Variants in PRSS23 observed in about 807,000 individuals in gnomAD.
PRSS23 encodes the protein serine protease 23.
PRSS23 carries 25 observed loss-of-function variants against 34.7 expected under a neutral mutation model. That is an observed-to-expected ratio of 0.72 (90% CI 0.53 to 1.01). The LOEUF is 1.01. PRSS23 is among the 50% of genes least tolerant of loss of function. PRSS23 has a pLI of 0.00. For missense variants in PRSS23, 445 were observed against 475.6 expected (o/e 0.94, Z 0.60); for synonymous variants, 176 against 186.6 (o/e 0.94, Z 0.46).
chr11:86,833,354 G>A, intron 2 of PRSS23: 7 of 884,852 alleles, frequency 7.9e-6, no homozygotes, highest in Non-Finnish European at 1.3e-5. Flanking sequence ...ACCATGACTA[G>A]GTACATGAAC....
chr11:86,849,950 A>G (rs918475706), intron 2 of PRSS23, among the ~76,000 whole-genome samples: 46 of 152,166 alleles, frequency 3.0e-4, no homozygotes, highest in African/African-American at 1.1e-3. Context: ...CCTCTTAGAG[A>G]AGAATGTTGC....
chr11:86,857,853 G>A (rs1948583293), intron 2 of PRSS23: 1 of 537,156 alleles, frequency 1.9e-6, no homozygotes, highest in South Asian at 1.5e-5. Flanking sequence ...GGGTGTGGAA[G>A]TGGGGGTCAG....
chr11:86,842,703 C>A (rs1025051360), intron 2 of PRSS23, among the ~76,000 whole-genome samples: 3 of 152,114 alleles, frequency 2.0e-5, no homozygotes, highest in African/African-American at 7.2e-5. Context: ...ACCTGGGAAT[C>A]CAAATTACAA....
intron 2 of PRSS23, among the ~76,000 whole-genome samples, chr11:86,901,107 T>G (rs1948909297): frequency 1.3e-5 from 2 of 149,956 alleles, no homozygotes; most frequent in South Asian, 4.2e-4. Flanking sequence ...CTTAAAGAGG[T>G]CTTCCCTGTC....
chr11:86,899,193 G>T (rs1948895136), intron 2 of PRSS23, among the ~76,000 whole-genome samples: 3 of 152,042 alleles, frequency 2.0e-5, no homozygotes, highest in Admixed American at 6.5e-5. Context: ...TGCTAGGGGA[G>T]AATCAAGCTA....
At chr11:86,861,005 T>A (rs1948609376) in intron 2 of PRSS23, among the ~76,000 whole-genome samples, 1 of 145,500 alleles carries the variant, frequency 6.9e-6, no homozygotes, top group Non-Finnish European at 1.5e-5. Flanking sequence ...CCACCGGGGG[T>A]GAGAATGATA....
chr11:86,892,875 C>T (rs1948850709), intron 2 of PRSS23, among the ~76,000 whole-genome samples: 1 of 152,154 alleles, frequency 6.6e-6, no homozygotes, highest in East Asian at 1.9e-4. Context: ...CAATTCACAC[C>T]GTGATCAAGA....
At chr11:86,842,459 AG>A (rs1948455916) in intron 2 of PRSS23, among the ~76,000 whole-genome samples, 1 of 152,224 alleles carries the variant, frequency 6.6e-6, no homozygotes, top group Non-Finnish European at 1.5e-5. Flanking sequence ...AAAGAAATAA[AG>A]GGTATTCAAT....
intron 2 of PRSS23, among the ~76,000 whole-genome samples, chr11:86,926,024 A>G (rs1315241331): frequency 6.6e-6 from 1 of 152,168 alleles, no homozygotes; most frequent in Admixed American, 6.5e-5. Flanking sequence ...CTAAATATAT[A>G]TTGAGTCTAC....
chr11:86,829,991 G>T (rs142169576), intron 2 of PRSS23, among the ~76,000 whole-genome samples: 1 of 152,034 alleles, frequency 6.6e-6, no homozygotes, highest in African/African-American at 2.4e-5. Flanking sequence ...CTCCAGCTGC[G>T]TGCTGGGAGA....
chr11:86,825,189 G>A (rs1210093590), intron 2 of PRSS23, among the ~76,000 whole-genome samples: 2 of 151,476 alleles, frequency 1.3e-5, no homozygotes, highest in African/African-American at 2.4e-5. Flanking sequence ...GTGTGAGATG[G>A]TATCTCATTG....
At chr11:86,859,453 A>G (rs1029170016) in intron 2 of PRSS23, among the ~76,000 whole-genome samples, 2 of 151,936 alleles carry the variant, frequency 1.3e-5, no homozygotes, top group Non-Finnish European at 2.9e-5. Context: ...ATTACTCCCA[A>G]TATCGTAGAA....
At chr11:86,952,256 A>G (rs1161550474) in exon 3 of PRSS23, 1 of 1,614,090 alleles carries the variant, frequency 6.2e-7, no homozygotes, top group East Asian at 2.2e-5. Flanking sequence ...AGGTAAGGGC[A>G]CCTCTTCATC....
chr11:86,807,826 A>G lies in PRSS23; in HGVS notation c.183A>G (p.Val61=), dbSNP rs758014552. The part of the protein sequence containing the change: ...PDFGAEAKLE[V]SSSCGPQCHK... Reference sequence around the variant, plus strand: ...TTGGAGCCGAAGCCAAATTAGAAGTATCTTCTTCATGTGGACCCCAGTGTC... The same window carrying G: ...TTGGAGCCGAAGCCAAATTAGAAGTGTCTTCTTCATGTGGACCCCAGTGTC... The change falls in exon 2 of 2, where the codon GTA becomes GTG. Residue 61 remains valine (V), a synonymous_variant. Transcript: ENST00000280258. 9.9e-6 allele frequency: 16 copies of G among 1,614,012 alleles called. No individual in the cohort carries two copies. The highest frequency in any genetic ancestry group is 1.3e-5 in the African/African-American group (1 of 74,898).
downstream of PRSS23, among the ~76,000 whole-genome samples, chr11:86,815,942 C>T (rs1387233359): frequency 6.6e-6 from 1 of 152,116 alleles, no homozygotes; most frequent in African/African-American, 2.4e-5. Context: ...CACACCTGCC[C>T]AAGACATGTT....
Position 86,907,309 on chromosome 11 carries a change from G to T in PRSS23, c.207-43907G>T, listed in dbSNP as rs1433338790. ...TAACACTGAACCTGGCACATTCTAAGTGTATGATAAATGTTTATTGAACAA... is the reference window on the plus strand; with the variant it reads ...TAACACTGAACCTGGCACATTCTAATTGTATGATAAATGTTTATTGAACAA... On this transcript the variant is annotated intron_variant, in intron 2 of 2. Coordinates refer to the PRSS23 transcript ENST00000533902. Among the ~76,000 whole-genome samples, 3 of 152,230 alleles carry T rather than the reference G, an allele frequency of 2.0e-5. No homozygotes were observed. In the East Asian group the frequency reaches 5.8e-4, roughly 29 times the overall value.
chr11:86,829,348 C>T lies in PRSS23; in HGVS notation c.206+5755C>T, dbSNP rs558711147. Among the ~76,000 whole-genome samples the T allele has an allele frequency of 1.3e-3, 195 of 152,318 alleles. 1 individual carries two copies. The highest frequency in any genetic ancestry group is 2.8e-4 in the Non-Finnish European group (19 of 68,040). ...GAGCTTTGGCTTTCAGCTCCGTCAGCTCCTTTAAGCACTTCTCTGTATTGG... is the reference window on the plus strand; with the variant it reads ...GAGCTTTGGCTTTCAGCTCCGTCAGTTCCTTTAAGCACTTCTCTGTATTGG... On this transcript the variant is annotated intron_variant, in intron 2 of 2. Transcript: ENST00000533902.
At chr11:86,902,297 C>T (rs1948916707) in intron 2 of PRSS23, among the ~76,000 whole-genome samples, 1 of 152,202 alleles carries the variant, frequency 6.6e-6, no homozygotes, top group African/African-American at 2.4e-5. Context: ...TATTTAGACT[C>T]AGCATGTCTT....
At chr11:86,908,727 G>A (rs190825105) in intron 2 of PRSS23, among the ~76,000 whole-genome samples, 53 of 152,186 alleles carry the variant, frequency 3.5e-4, no homozygotes, top group African/African-American at 1.2e-3. Flanking sequence ...AATATCAGAC[G>A]TGAAAGTGGT....
Sources: gnomAD v4.1 joint callset for allele counts (sites outside exome capture counted in the v4.1 genomes callset) on GRCh38, gnomAD v4.1.1 for gene constraint, MANE v1.5 for transcripts, NCBI Gene and HGNC (gene_info 2026-07-23, HGNC 2026-07-21) for gene names.